MYT1L: variants seen among roughly 807,000 people sequenced by gnomAD.
MYT1L encodes the protein myelin transcription factor 1 like.
In MYT1L, 12 loss-of-function variants were observed where a neutral mutation model predicts 126.7. The ratio of observed to expected loss-of-function variants is 0.09; its 90% CI spans 0.06 to 0.15. The LOEUF (loss-of-function observed/expected upper bound fraction) is 0.15. MYT1L is among the 10% of genes least tolerant of loss of function. The pLI, the probability that MYT1L is intolerant of heterozygous loss-of-function variation, is 1.00. For missense variants in MYT1L, 979 were observed against 1,585.2 expected (o/e 0.62, Z 6.49); for synonymous variants, 541 against 604.2 (o/e 0.90, Z 1.53).
chr2:2,097,622 C>A (rs184775280), intron 3 of MYT1L, among the ~76,000 whole-genome samples: 1 of 152,092 alleles, frequency 6.6e-6, no homozygotes, highest in Non-Finnish European at 1.5e-5. Context: ...GATGGAGATG[C>A]GTGGTGAAAA....
intron 2 of MYT1L, among the ~76,000 whole-genome samples, chr2:2,215,217 T>C (rs1484197675): frequency 6.6e-6 from 1 of 152,240 alleles, no homozygotes; most frequent in Non-Finnish European, 1.5e-5. Context: ...ATTCATACAT[T>C]ACATGTAAGT....
At chr2:2,022,252 A>T (rs536180665) in intron 4 of MYT1L, among the ~76,000 whole-genome samples, 1 of 152,098 alleles carries the variant, frequency 6.6e-6, no homozygotes, top group Non-Finnish European at 1.5e-5. Context: ...GTACAAGTGG[A>T]TTCTTTCTCT....
At chr2:2,002,746 A>G (rs2062522462) in intron 4 of MYT1L, among the ~76,000 whole-genome samples, 1 of 152,134 alleles carries the variant, frequency 6.6e-6, no homozygotes, top group South Asian at 2.1e-4. Context: ...CCACATGTCA[A>G]GGGTGGCACC....
At chr2:2,103,010 G>A (rs775591512) in intron 3 of MYT1L, among the ~76,000 whole-genome samples, 5 of 152,034 alleles carry the variant, frequency 3.3e-5, no homozygotes, top group African/African-American at 4.8e-5. Context: ...CACAGCATGC[G>A]TGTATTTAGC....
At chr2:1,981,312 G>T (rs891356576) in intron 5 of MYT1L, among the ~76,000 whole-genome samples, 1 of 152,168 alleles carries the variant, frequency 6.6e-6, no homozygotes, top group Non-Finnish European at 1.5e-5. Flanking sequence ...ACATAATGAT[G>T]TGCCAGATTT....
intron 3 of MYT1L, among the ~76,000 whole-genome samples, chr2:2,170,415 C>T (rs1482569891): frequency 2.0e-5 from 3 of 152,146 alleles, no homozygotes; most frequent in Admixed American, 1.3e-4. Flanking sequence ...GCCATTTGCT[C>T]GCTGTTGCCT....
intron 13 of MYT1L, among the ~76,000 whole-genome samples, chr2:1,904,796 A>C (rs1226777824): frequency 7.4e-6 from 1 of 135,776 alleles, no homozygotes; most frequent in African/African-American, 3.2e-5. Flanking sequence ...ACGCCTGGCT[A>C]ATTTTTTTTT....
intron 3 of MYT1L, among the ~76,000 whole-genome samples, chr2:2,065,854 A>G (rs565546910): frequency 1.3e-5 from 2 of 151,838 alleles, no homozygotes; most frequent in Admixed American, 6.6e-5. Context: ...ACACGCACAC[A>G]CACACACACA....
chr2:1,959,403 GA>G (rs1172807590), intron 8 of MYT1L, among the ~76,000 whole-genome samples: 67 of 152,342 alleles, frequency 4.4e-4, no homozygotes, highest in African/African-American at 1.6e-3. Context: ...CCCTCCTGGA[GA>G]GTAGAGACAG....
chr2:1,817,328 G>A (rs1394549626), intron 21 of MYT1L, among the ~76,000 whole-genome samples: 2 of 152,148 alleles, frequency 1.3e-5, no homozygotes, highest in African/African-American at 2.4e-5. Flanking sequence ...GGGGATAGGG[G>A]CGCCACACGG....
At chr2:1,884,848 C>T (rs1324199248) in intron 18 of MYT1L, among the ~76,000 whole-genome samples, 1 of 152,196 alleles carries the variant, frequency 6.6e-6, no homozygotes, top group Non-Finnish European at 1.5e-5. Context: ...GAAGAGCTAA[C>T]CGGCTCCCTC....
chr2:1,883,645 G>A (rs919272446), intron 18 of MYT1L, among the ~76,000 whole-genome samples: 4 of 152,116 alleles, frequency 2.6e-5, no homozygotes, highest in Non-Finnish European at 5.9e-5. Flanking sequence ...CTGTGAGGTC[G>A]ACTCCTAGAA....
In MYT1L at chr2:1,929,518, G is replaced by A. The variant is rs141796014; in HGVS notation, c.506-6255C>T. On this transcript the variant is annotated intron_variant, in intron 9 of 24. Coordinates refer to ENST00000647738, the MANE Select transcript of MYT1L (RefSeq NM_001303052.2). This position sits in a 1 kb window ranked among gnomAD's most constrained non-coding sequence, Gnocchi z 4.7. ...GCTCCGCTCTAGCCATCACCGTCAC[G>A]CTTCCCTACTACATCTAACTCAGCA... 1.2e-4 allele frequency among the ~76,000 whole-genome samples: 18 copies of A among 152,314 alleles called. No homozygotes were observed. The East Asian group carries it at 1.4e-3, about 11-fold the overall frequency.
intron 18 of MYT1L, 170 bp downstream of exon 18, chr2:1,886,369 A>G (rs1425879695): frequency 4.4e-6 from 2 of 456,214 alleles, no homozygotes; most frequent in East Asian, 3.5e-5. Context: ...GGTTGTGTGG[A>G]AAAGTGGCTG....
intron 3 of MYT1L, among the ~76,000 whole-genome samples, chr2:2,142,950 T>C (rs577669040): frequency 6.7e-6 from 1 of 149,834 alleles, no homozygotes; most frequent in Admixed American, 6.6e-5. Flanking sequence ...GCCTCCCAAA[T>C]TGCTAGGCTT....
In MYT1L at chr2:2,179,427, C is replaced by T. The variant is rs1175636466; in HGVS notation, c.-420-6439G>A. 7.9e-5 allele frequency among the ~76,000 whole-genome samples: 12 copies of T among 152,274 alleles called. 1 individual carries two copies. Among genetic ancestry groups the T allele is most frequent in the African/African-American group, 9.6e-5 (4 of 41,560 alleles). On this transcript the variant is annotated intron_variant, in intron 2 of 24. Transcript: ENST00000647738. ...CCGAAACCTGTTCCTCCTCCCTTCA[C>T]GCTGAGAGTGGAATCTCTAAGAACA... is the stretch of plus-strand genomic sequence containing the variant.
At chr2:2,169,814 T>C (rs2089747022) in intron 3 of MYT1L, among the ~76,000 whole-genome samples, 1 of 152,200 alleles carries the variant, frequency 6.6e-6, no homozygotes, top group South Asian at 2.1e-4. Flanking sequence ...TGTTTTCTTT[T>C]GGCTTATGCG....
At chr2:2,010,627 G>A (rs1249403612) in intron 4 of MYT1L, among the ~76,000 whole-genome samples, 3 of 152,126 alleles carry the variant, frequency 2.0e-5, no homozygotes, top group Non-Finnish European at 4.4e-5. Context: ...TTCTAGGGAT[G>A]TTCTGTCATT....
chr2:1,866,167 G>C (rs1262912838), intron 18 of MYT1L, among the ~76,000 whole-genome samples: 2 of 152,186 alleles, frequency 1.3e-5, no homozygotes, highest in Non-Finnish European at 2.9e-5. Context: ...GATGGAAGCA[G>C]GTAGGTCAAG....
Sources: gnomAD v4.1 joint callset for allele counts (sites outside exome capture counted in the v4.1 genomes callset) on GRCh38, gnomAD v4.1.1 for gene constraint, Gnocchi (gnomAD v3.1) non-coding constraint, MANE v1.5 for transcripts, NCBI Gene and HGNC (gene_info 2026-07-23, HGNC 2026-07-21) for gene names.